The following SAMMSON variants were observed in gnomAD, a reference collection of about 807,000 sequenced individuals.
The protein encoded by SAMMSON is survival associated mitochondrial melanoma specific oncogenic non-coding RNA.
At chr3:70,266,404 A>G (rs1286067532) in intron 6 of SAMMSON, among the ~76,000 whole-genome samples, 2 of 151,662 alleles carry the variant, frequency 1.3e-5, no homozygotes, top group Non-Finnish European at 2.9e-5. Context: ...ATAGAGATAT[A>G]TATTTTTAAA....
At chr3:70,290,663 C>T (rs1474251569) in intron 6 of SAMMSON, among the ~76,000 whole-genome samples, 4 of 152,182 alleles carry the variant, frequency 2.6e-5, no homozygotes, top group East Asian at 3.9e-4. Flanking sequence ...CCTAGCCTCG[C>T]TGCCGCCTTG....
At chr3:70,185,324 C>T (rs1179810109) in intron 4 of SAMMSON, among the ~76,000 whole-genome samples, 1 of 152,124 alleles carries the variant, frequency 6.6e-6, no homozygotes. Context: ...AGCCCTTCCA[C>T]TATGTAATGT....
intron 4 of SAMMSON, among the ~76,000 whole-genome samples, chr3:70,107,323 G>T (rs1449972925): frequency 6.6e-6 from 1 of 152,022 alleles, no homozygotes; most frequent in Non-Finnish European, 1.5e-5. Flanking sequence ...TATGGAACAA[G>T]GTAAGAAAAT....
chr3:70,264,644 A>G (rs1701898903), intron 6 of SAMMSON, among the ~76,000 whole-genome samples: 1 of 152,258 alleles, frequency 6.6e-6, no homozygotes, highest in African/African-American at 2.4e-5. Context: ...CACTGAAAGT[A>G]TGCCATTTAC....
At chr3:70,356,617 T>C (rs1450098700) in intron 8 of SAMMSON, among the ~76,000 whole-genome samples, 1 of 152,196 alleles carries the variant, frequency 6.6e-6, no homozygotes, top group African/African-American at 2.4e-5. Context: ...ACTTTTAAAA[T>C]ACTTGTCCTT....
chr3:70,157,696 A>C (rs1008966597), intron 4 of SAMMSON, among the ~76,000 whole-genome samples: 1 of 152,110 alleles, frequency 6.6e-6, no homozygotes, highest in African/African-American at 2.4e-5. Flanking sequence ...GTAGCTAATG[A>C]TTTTAGCTAC....
At chr3:70,246,834 C>T (rs1000647380) in intron 4 of SAMMSON, among the ~76,000 whole-genome samples, 1 of 151,946 alleles carries the variant, frequency 6.6e-6, no homozygotes, top group Non-Finnish European at 1.5e-5. Flanking sequence ...TTTTGTCACC[C>T]TTAAAACAAC....
intron 9 of SAMMSON, among the ~76,000 whole-genome samples, chr3:70,373,499 A>G (rs1461038675): frequency 6.6e-6 from 1 of 151,920 alleles, no homozygotes; most frequent in African/African-American, 2.4e-5. Flanking sequence ...TTCAATCTGT[A>G]TGTTTATGTC....
intron 4 of SAMMSON, among the ~76,000 whole-genome samples, chr3:70,115,510 G>T (rs2067407071): frequency 6.6e-6 from 1 of 152,036 alleles, no homozygotes. Flanking sequence ...AGCTAATTAG[G>T]ATACAAGCAT....
intron 1 of SAMMSON, among the ~76,000 whole-genome samples, chr3:70,000,138 G>A (rs905895288): frequency 2.0e-5 from 3 of 152,312 alleles, no homozygotes; most frequent in South Asian, 2.1e-4. Flanking sequence ...AACTAAGAGA[G>A]CACCCAGTAA....
intron 7 of SAMMSON, among the ~76,000 whole-genome samples, chr3:70,309,358 G>A (rs1374336733): frequency 6.6e-6 from 1 of 152,062 alleles, no homozygotes; most frequent in Non-Finnish European, 1.5e-5. Flanking sequence ...AAAAAGCATT[G>A]TTGCTATTAC....
chr3:70,010,112 T>G (rs1375091573), intron 1 of SAMMSON, among the ~76,000 whole-genome samples: 1 of 152,148 alleles, frequency 6.6e-6, no homozygotes, highest in Middle Eastern at 3.2e-3. Context: ...GAATGTATAT[T>G]CTGTTGATTT....
chr3:70,028,143 T>TTTCCTTCCTTCC (rs540467067), intron 3 of SAMMSON, among the ~76,000 whole-genome samples: 70 of 130,842 alleles, frequency 5.3e-4, no homozygotes, highest in African/African-American at 2.0e-3. Flanking sequence ...TCCTTCCTTC[T>TTTCCTTCCTTCC]TTCCTTCCTT....
chr3:70,294,318 C>T (rs980361155), intron 7 of SAMMSON, among the ~76,000 whole-genome samples: 1 of 152,060 alleles, frequency 6.6e-6, no homozygotes, highest in African/African-American at 2.4e-5. Flanking sequence ...CATGAATAGA[C>T]CTTGTAGTAC....
At chr3:70,032,368 G>A (rs2067069257) in intron 3 of SAMMSON, among the ~76,000 whole-genome samples, 1 of 152,158 alleles carries the variant, frequency 6.6e-6, no homozygotes, top group Non-Finnish European at 1.5e-5. Context: ...TTTATTGATT[G>A]AGTTTATAGC....
At position 70,211,472 on chromosome 3, in the gene SAMMSON, C is replaced by T. The variant is rs574574290; in HGVS notation, n.508-37635C>T. On this transcript the variant is annotated intron_variant and non_coding_transcript_variant, in intron 4 of 9. Transcript: ENST00000642114. The stretch of plus-strand genomic sequence containing the variant: ...TTCCCTTCCCTTCCCTTTGCCCTTC[C>T]CTTCCCTTCCTTTCCCTTCCCTTCC... 1.2e-3 allele frequency among the ~76,000 whole-genome samples: 164 copies of T among 136,662 alleles called. 3 individuals carry two copies. The highest frequency in any genetic ancestry group is 4.4e-3 in the African/African-American group (155 of 34,894). 89.7% of individuals were successfully genotyped at this position (136,662 alleles called of 152,430 possible).
intron 4 of SAMMSON, among the ~76,000 whole-genome samples, chr3:70,116,996 G>A (rs917988924): frequency 2.0e-5 from 3 of 152,166 alleles, no homozygotes; most frequent in Admixed American, 6.5e-5. Flanking sequence ...TTGAAGAAAC[G>A]CAAAATCTCT....
At chr3:70,164,442 A>G (rs1200752970) in intron 4 of SAMMSON, among the ~76,000 whole-genome samples, 1 of 152,042 alleles carries the variant, frequency 6.6e-6, no homozygotes, top group Non-Finnish European at 1.5e-5. Context: ...TCTTTCTGTA[A>G]CTTCAAGGGA....
intron 2 of SAMMSON, among the ~76,000 whole-genome samples, chr3:70,405,285 A>G (rs1701169356): frequency 6.6e-6 from 1 of 152,200 alleles, no homozygotes; most frequent in Admixed American, 6.5e-5. Flanking sequence ...TGATGGCCAA[A>G]AAATAAAATA....
Sources: allele counts gnomAD v4.1 joint callset (sites outside exome capture counted in the v4.1 genomes callset), GRCh38; gene constraint gnomAD v4.1.1; transcripts MANE v1.5; gene names NCBI Gene and HGNC (gene_info 2026-07-23, HGNC 2026-07-21).